Variants in MDGA2 observed in about 807,000 individuals in gnomAD.
The protein encoded by MDGA2 is MAM domain-containing glycosylphosphatidylinositol anchor protein 2.
A neutral mutation model predicts 117.8 loss-of-function variants in MDGA2; 40 were observed. The ratio of observed to expected loss-of-function variants is 0.34; its 90% CI spans 0.26 to 0.44. MDGA2 has a LOEUF of 0.44. Among genes scored for constraint, MDGA2 ranks in the 20% least tolerant of loss-of-function variants. The pLI is 1.00. For synonymous variants in MDGA2, 452 were observed against 439.0 expected (o/e 1.03, Z -0.37); for missense variants, 1,123 against 1,250.6 (o/e 0.90, Z 1.54).
intron 1 of MDGA2, among the ~76,000 whole-genome samples, chr14:47,414,109 T>C (rs1171859383): frequency 6.6e-6 from 1 of 152,156 alleles, no homozygotes; most frequent in African/African-American, 2.4e-5. Context: ...AAGGGACATA[T>C]GAAGTCCTAG....
chr14:47,489,463 CT>C (rs34996638), intron 1 of MDGA2, among the ~76,000 whole-genome samples: 17 of 151,870 alleles, frequency 1.1e-4, no homozygotes, highest in African/African-American at 4.1e-4. Flanking sequence ...TACATGCTAC[CT>C]TTTTTTGGTG....
intron 2 of MDGA2, among the ~76,000 whole-genome samples, chr14:47,248,911 T>C (rs539429909): frequency 6.6e-6 from 1 of 152,180 alleles, no homozygotes; most frequent in African/African-American, 2.4e-5. Context: ...AGTAAATTTA[T>C]GTTTCCCTTC....
intron 10 of MDGA2, among the ~76,000 whole-genome samples, chr14:46,915,705 C>T (rs1241126627): frequency 6.6e-6 from 1 of 152,122 alleles, no homozygotes; most frequent in Non-Finnish European, 1.5e-5. Flanking sequence ...CCTGCTTCCA[C>T]TCAAGGTCTG....
At chr14:47,488,821 A>G (rs1345470665) in intron 1 of MDGA2, among the ~76,000 whole-genome samples, 1 of 152,060 alleles carries the variant, frequency 6.6e-6, no homozygotes, top group Non-Finnish European at 1.5e-5. Flanking sequence ...AAGTAAAGAA[A>G]AATGTGCTAT....
chr14:46,988,409 C>T (rs1886947855), intron 8 of MDGA2, among the ~76,000 whole-genome samples: 1 of 151,928 alleles, frequency 6.6e-6, no homozygotes, highest in Admixed American at 6.6e-5. Flanking sequence ...TGAACATAAG[C>T]AACTTAATAA....
intron 1 of MDGA2, among the ~76,000 whole-genome samples, chr14:47,467,453 G>C (rs1893627761): frequency 6.6e-6 from 1 of 152,112 alleles, no homozygotes; most frequent in African/African-American, 2.4e-5. Flanking sequence ...GAAGGAGACT[G>C]TCACCTTTCA....
chr14:47,312,693 G>GTTTTTTTTTTTTTTTTTTTTTTTT (rs375332903), intron 1 of MDGA2, among the ~76,000 whole-genome samples: 2 of 104,364 alleles, frequency 1.9e-5, no homozygotes, highest in Non-Finnish European at 3.9e-5. Context: ...TTTTTGTTTT[G>GTTTTTTTTTTTTTTTTTTTTTTTT]TTTTGTTTTT....
At chr14:47,595,316 C>T (rs886929346) in intron 1 of MDGA2, among the ~76,000 whole-genome samples, 1 of 151,670 alleles carries the variant, frequency 6.6e-6, no homozygotes, top group Non-Finnish European at 1.5e-5. Context: ...GGGCAGATTA[C>T]CTGAGGTCAG....
intron 3 of MDGA2, among the ~76,000 whole-genome samples, chr14:47,168,971 T>C (rs1884007015): frequency 6.6e-6 from 1 of 152,092 alleles, no homozygotes; most frequent in Admixed American, 6.6e-5. Context: ...ATAGTACTCT[T>C]TTATTGTCTC....
chr14:47,540,514 A>ATGTGTGTGTGTGTGTGTG, intron 1 of MDGA2, among the ~76,000 whole-genome samples: 1 of 98,340 alleles, frequency 1.0e-5, no homozygotes, highest in African/African-American at 3.4e-5. Context: ...GTATATGTAT[A>ATGTGTGTGTGTGTGTGTG]TGTATATGTG....
intron 1 of MDGA2, among the ~76,000 whole-genome samples, chr14:47,378,876 G>C (rs887753739): frequency 6.6e-6 from 1 of 152,076 alleles, no homozygotes; most frequent in African/African-American, 2.4e-5. Flanking sequence ...ACGCCACAAA[G>C]ATACTCCTCA....
intron 3 of MDGA2, among the ~76,000 whole-genome samples, chr14:47,196,228 C>T (rs1378141347): frequency 6.6e-6 from 1 of 151,976 alleles, no homozygotes; most frequent in African/African-American, 2.4e-5. Flanking sequence ...TTATGTAAAG[C>T]ACCAAACACA....
chr14:47,525,663 C>T (rs1232812114), intron 1 of MDGA2, among the ~76,000 whole-genome samples: 4 of 151,114 alleles, frequency 2.6e-5, no homozygotes, highest in Non-Finnish European at 4.4e-5. Flanking sequence ...TCACCCTGGA[C>T]GACAGTGAGA....
intron 1 of MDGA2, among the ~76,000 whole-genome samples, chr14:47,590,282 C>T (rs1295043774): frequency 6.6e-6 from 1 of 151,576 alleles, no homozygotes; most frequent in Non-Finnish European, 1.5e-5. Flanking sequence ...TTGTAAAAAG[C>T]AAAACATAAA....
At chr14:47,092,090 G>C (rs1023007362) in intron 6 of MDGA2, among the ~76,000 whole-genome samples, 1 of 152,156 alleles carries the variant, frequency 6.6e-6, no homozygotes, top group African/African-American at 2.4e-5. Flanking sequence ...TTCTAAAAGA[G>C]GGGCTACAGT....
intron 3 of MDGA2, among the ~76,000 whole-genome samples, chr14:47,216,967 G>A (rs1249638011): frequency 6.6e-6 from 1 of 151,982 alleles, no homozygotes; most frequent in Non-Finnish European, 1.5e-5. Context: ...ATGAAACAAG[G>A]ATTTCTCCCC....
intron 2 of MDGA2, among the ~76,000 whole-genome samples, chr14:47,260,681 T>A (rs1163602849): frequency 6.6e-6 from 1 of 152,094 alleles, no homozygotes; most frequent in Non-Finnish European, 1.5e-5. Flanking sequence ...TAGATCAGCA[T>A]CCTTCTTAGA....
chr14:47,406,554 T>C (rs1892265536), intron 1 of MDGA2, among the ~76,000 whole-genome samples: 1 of 152,042 alleles, frequency 6.6e-6, no homozygotes, highest in African/African-American at 2.4e-5. Context: ...ATTTACATCC[T>C]ATTAATTTTC....
At chr14:47,665,134 C>T (rs889614750) in intron 1 of MDGA2, among the ~76,000 whole-genome samples, 1 of 152,052 alleles carries the variant, frequency 6.6e-6, no homozygotes, top group African/African-American at 2.4e-5. Context: ...AGAACCCACA[C>T]AATAGCAATG....
Sources: gnomAD v4.1 joint callset for allele counts (sites outside exome capture counted in the v4.1 genomes callset) on GRCh38, gnomAD v4.1.1 for gene constraint, MANE v1.5 for transcripts, NCBI Gene and HGNC (gene_info 2026-07-23, HGNC 2026-07-21) for gene names.